The following SPATA1 variants were observed in gnomAD, a reference collection of about 807,000 sequenced individuals.
The protein encoded by SPATA1 is spermatogenesis-associated protein 1.
In SPATA1, 57 loss-of-function variants were observed where a neutral mutation model predicts 59.6. The observed-to-expected ratio is 0.96, with a 90% CI of 0.77 to 1.19. The LOEUF is 1.19. Ranked by LOEUF, SPATA1 falls within the 50% of genes most tolerant of loss-of-function variation. The pLI, the probability that SPATA1 is intolerant of heterozygous loss-of-function variation, is 0.00. For missense variants in SPATA1, 448 were observed against 480.7 expected (o/e 0.93, Z 0.64); for synonymous variants, 147 against 163.9 (o/e 0.90, Z 0.79).
At chr1:84,532,735 G>T in intron 6 of SPATA1, 125 bp from the exon 7 acceptor site, 2 of 613,790 alleles carry the variant, frequency 3.3e-6, no homozygotes, top group African/African-American at 1.8e-5. Context: ...ATCTATATAG[G>T]AAAGTTCATG....
chr1:84,558,760 G>C (rs1221021056), downstream of SPATA1, among the ~76,000 whole-genome samples: 1 of 151,938 alleles, frequency 6.6e-6, no homozygotes, highest in Non-Finnish European at 1.5e-5. Flanking sequence ...AATCAGCCTG[G>C]CATGATGGCA....
intron 4 of SPATA1, among the ~76,000 whole-genome samples, chr1:84,562,407 A>G (rs1684612204): frequency 6.6e-6 from 1 of 152,208 alleles, no homozygotes; most frequent in Admixed American, 6.5e-5. Context: ...CTGTGGAGGC[A>G]TACACATGTA....
chr1:84,557,537 AAAAAAAAAAAAAAAAAG>A (rs1008432560), downstream of SPATA1, among the ~76,000 whole-genome samples: 89 of 85,790 alleles, frequency 1.0e-3, 1 homozygote, highest in South Asian at 0.019. Flanking sequence ...CCATCTCAAA[AAAAAAAAAAAAAAAAAG>A]AAAAAAAAAA....
downstream of SPATA1, among the ~76,000 whole-genome samples, chr1:84,558,390 C>T (rs939153274): frequency 2.7e-5 from 4 of 150,426 alleles, no homozygotes; most frequent in African/African-American, 4.9e-5. Context: ...CCCGGGTTCA[C>T]GCCATTCTCC....
chr1:84,520,363 A>T (rs1477849373), intron 2 of SPATA1: 4 of 428,500 alleles, frequency 9.3e-6, no homozygotes. Flanking sequence ...TCTCATAGCC[A>T]CATCTATAAC....
chr1:84,532,431 G>A (rs1683510240), intron 6 of SPATA1, among the ~76,000 whole-genome samples: 2 of 152,136 alleles, frequency 1.3e-5, no homozygotes, highest in Admixed American at 6.5e-5. Flanking sequence ...GGGAGGCAGA[G>A]GCTACAGTGA....
At chr1:84,510,757 T>A (rs1014737202) in intron 1 of SPATA1, among the ~76,000 whole-genome samples, 1 of 152,180 alleles carries the variant, frequency 6.6e-6, no homozygotes, top group African/African-American at 2.4e-5. Flanking sequence ...AAAAGCAACC[T>A]AAGTGTCTAT....
chr1:84,525,412 A>G (rs1169995309), intron 4 of SPATA1, among the ~76,000 whole-genome samples: 1 of 152,236 alleles, frequency 6.6e-6, no homozygotes, highest in African/African-American at 2.4e-5. Flanking sequence ...CTAGGTATAC[A>G]ATCTTTACTA....
At chr1:84,558,826 A>G (rs891740242), downstream of SPATA1, among the ~76,000 whole-genome samples, 2 of 152,022 alleles carry the variant, frequency 1.3e-5, no homozygotes, top group African/African-American at 4.8e-5. Context: ...GCTTGAGCCC[A>G]AGAGGTCAAG....
chr1:84,527,586 A>AGAC (rs1491033129), intron 6 of SPATA1: 1 of 152,114 alleles, frequency 6.6e-6, no homozygotes, highest in Non-Finnish European at 1.5e-5. Context: ...AGACACATAC[A>AGAC]GACTCTTAAA....
intron 1 of SPATA1, chr1:84,507,009 C>T (rs982389706): frequency 6.6e-6 from 1 of 152,146 alleles, no homozygotes; most frequent in Non-Finnish European, 1.5e-5. Context: ...AAAGTTTGCT[C>T]TTTAGTATTT....
intron 6 of SPATA1, among the ~76,000 whole-genome samples, chr1:84,530,137 C>A (rs1683411088): frequency 6.6e-6 from 1 of 152,178 alleles, no homozygotes. Flanking sequence ...ACCTCGGCCT[C>A]CCAAAGTGCT....
downstream of SPATA1, among the ~76,000 whole-genome samples, chr1:84,567,214 TTTATAA>T (rs748434694): frequency 3.3e-5 from 5 of 152,224 alleles, no homozygotes; most frequent in Admixed American, 2.0e-4. Context: ...ATATTAGCAC[TTTATAA>T]TTATAAGCTT....
intron 4 of SPATA1, chr1:84,563,733 A>G (rs769407971): frequency 1.9e-6 from 3 of 1,563,790 alleles, no homozygotes; most frequent in Non-Finnish European, 2.6e-6. Flanking sequence ...GACTGTTCCT[A>G]CCTCAGACAG....
At chr1:84,547,771 C>G (rs1684137718) in intron 10 of SPATA1, among the ~76,000 whole-genome samples, 1 of 152,100 alleles carries the variant, frequency 6.6e-6, no homozygotes, top group Admixed American at 6.5e-5. Flanking sequence ...GGGATAAAAT[C>G]AGAAAGGTCA....
At chr1:84,543,624 A>AC (rs1420068632) in intron 8 of SPATA1, among the ~76,000 whole-genome samples, 5 of 151,902 alleles carry the variant, frequency 3.3e-5, no homozygotes, top group African/African-American at 1.2e-4. Flanking sequence ...TGATACAATC[A>AC]CCTCCCACCA....
At position 84,548,089 on chromosome 1, in the gene SPATA1, A is replaced by G. The variant is rs540309383; in HGVS notation, c.947-697A>G. ...CCGGTAGAAGTTGCTAAGGGATTGG[A>G]TAATAGAGCATGAGATAAATATCCA... is the stretch of plus-strand genomic sequence containing the variant. On this transcript the variant is annotated intron_variant, in intron 10 of 12. Coordinates refer to ENST00000490879, the Ensembl canonical transcript of SPATA1. Among the ~76,000 whole-genome samples the G allele has an allele frequency of 7.2e-5, 11 of 152,350 alleles. No homozygotes were observed. The South Asian group carries it at 8.3e-4, about 11-fold the overall frequency.
exon 12 of SPATA1, chr1:84,550,499 C>A: frequency 6.4e-7 from 1 of 1,558,852 alleles, no homozygotes; most frequent in Non-Finnish European, 8.7e-7. Context: ...AAACTAGATA[C>A]TGACAAAATG....
At chr1:84,549,074 G>A in intron 11 of SPATA1, 110 bp downstream of exon 11, 1 of 1,101,190 alleles carries the variant, frequency 9.1e-7, no homozygotes, top group Non-Finnish European at 1.2e-6. Context: ...ACTTAAACTT[G>A]CTTAAAACAA....
Sources: allele counts gnomAD v4.1 joint callset (sites outside exome capture counted in the v4.1 genomes callset), GRCh38; gene constraint gnomAD v4.1.1; transcripts MANE v1.5; gene names NCBI Gene and HGNC (gene_info 2026-07-23, HGNC 2026-07-21).